The following SCAI variants were observed in gnomAD, a reference collection of about 807,000 sequenced individuals.
SCAI encodes the protein protein SCAI.
In SCAI, 24 loss-of-function variants were observed where a neutral mutation model predicts 92.2. The ratio of observed to expected loss-of-function variants is 0.26; its 90% CI spans 0.19 to 0.37. The LOEUF (loss-of-function observed/expected upper bound fraction) is 0.37. Among genes scored for constraint, SCAI ranks in the 10% least tolerant of loss-of-function variants. The probability of loss-of-function intolerance (pLI) is 1.00; values close to 1 mark genes in which losing one functional copy is unlikely to be tolerated. For missense variants in SCAI, 450 were observed against 736.2 expected (o/e 0.61, Z 4.50); for synonymous variants, 261 against 258.6 (o/e 1.01, Z -0.09).
chr9:124,956,103 T>C (rs950437611), intron 17 of SCAI, among the ~76,000 whole-genome samples: 1 of 152,078 alleles, frequency 6.6e-6, no homozygotes, highest in Non-Finnish European at 1.5e-5. Flanking sequence ...CCAAAATCAT[T>C]CATAAAACAG....
In SCAI at chr9:125,091,311, T is replaced by C. The variant is rs79422714; in HGVS notation, c.99-35304A>G. On this transcript the variant is annotated intron_variant, in intron 2 of 17. Coordinates refer to ENST00000336505, the MANE Select transcript of SCAI (RefSeq NM_001144877.3). This position sits in a 1 kb window ranked among gnomAD's most constrained non-coding sequence, Gnocchi z 4.3. ...CAGTCTTTCCATCCATGCTGTGAGGTACTTGACAACTTTCCAATAAATTCA... is the reference window on the plus strand; with the variant it reads ...CAGTCTTTCCATCCATGCTGTGAGGCACTTGACAACTTTCCAATAAATTCA... Among the ~76,000 whole-genome samples the C allele has an allele frequency of 2.1e-4, 32 of 152,316 alleles. No homozygotes were observed. In the East Asian group the frequency reaches 5.6e-3, roughly 27 times the overall value.
rs543758330 is a variant in SCAI, at chr9:125,035,945, A to G, written c.231-6206T>C. Among the ~76,000 whole-genome samples the G allele has an allele frequency of 1.6e-3, 238 of 152,318 alleles. 2 individuals carry two copies. Among genetic ancestry groups the G allele is most frequent in the African/African-American group, 5.6e-3 (231 of 41,576 alleles). ...AGCAGCCCTCGGGGCTGCTCTGCCT[A>G]CAGAGTAGCCATTCTTTTCTTTCTT... On this transcript the variant is annotated intron_variant, in intron 3 of 17. Transcript: ENST00000336505.
intron 2 of SCAI, among the ~76,000 whole-genome samples, chr9:125,087,944 CGTAAA>C (rs1436845027): frequency 8.6e-5 from 13 of 152,020 alleles, no homozygotes; most frequent in Non-Finnish European, 1.5e-5. Context: ...ATATAATATA[CGTAAA>C]GTATATAACT....
chr9:125,098,298 C>G (rs1834608129), intron 2 of SCAI, among the ~76,000 whole-genome samples: 1 of 152,054 alleles, frequency 6.6e-6, no homozygotes, highest in African/African-American at 2.4e-5. Flanking sequence ...CTCAAGCAAT[C>G]CTCCTGCCTC....
chr9:125,115,688 CCAGT>C (rs1564419867), intron 2 of SCAI, among the ~76,000 whole-genome samples: 1 of 151,890 alleles, frequency 6.6e-6, no homozygotes, highest in Admixed American at 6.6e-5. Context: ...ATAGTCATAT[CCAGT>C]CACTTAAATA....
chr9:125,117,385 C>T (rs1044756437), intron 2 of SCAI, among the ~76,000 whole-genome samples: 1 of 152,084 alleles, frequency 6.6e-6, no homozygotes, highest in Admixed American at 6.6e-5. Flanking sequence ...TTTTAGAAGC[C>T]TGAGGAACTT....
intron 2 of SCAI, among the ~76,000 whole-genome samples, chr9:125,125,506 C>A (rs927155035): frequency 2.0e-5 from 3 of 150,966 alleles, no homozygotes; most frequent in Admixed American, 6.6e-5. Flanking sequence ...CCAGTCTGGG[C>A]AACAGAGTGA....
intron 2 of SCAI, among the ~76,000 whole-genome samples, chr9:125,077,437 A>G (rs1373395876): frequency 2.6e-5 from 4 of 152,188 alleles, no homozygotes; most frequent in Non-Finnish European, 5.9e-5. Flanking sequence ...TTGTATAGAC[A>G]TGTTTTCATT....
chr9:124,984,226 T>G (rs559784755), intron 14 of SCAI, among the ~76,000 whole-genome samples: 1 of 152,228 alleles, frequency 6.6e-6, no homozygotes, highest in South Asian at 2.1e-4. Context: ...AGGGGGTCAG[T>G]GTGGCTGAAG....
At chr9:125,104,398 G>T (rs946736876) in intron 2 of SCAI, among the ~76,000 whole-genome samples, 4 of 152,102 alleles carry the variant, frequency 2.6e-5, no homozygotes, top group African/African-American at 9.7e-5. Context: ...AACACTTTGA[G>T]GTTTATAGTT....
rs143289700 is a variant in SCAI at position 125,110,579 on chromosome 9, A to G, written c.98+32054T>C. ...ATGGGGGTAGTTCCTCATGATTTCA[A>G]TTGGCAATAGTGAGTTCTCGTGAGA... is the stretch of plus-strand genomic sequence containing the variant. On this transcript the variant is annotated intron_variant, in intron 2 of 17. Coordinates refer to ENST00000336505, the MANE Select transcript of SCAI (RefSeq NM_001144877.3). Among the ~76,000 whole-genome samples, 17 of 152,194 alleles carry G rather than the reference A, an allele frequency of 1.1e-4. No individual in the cohort carries two copies. The East Asian group carries it at 3.3e-3, about 29-fold the overall frequency.
intron 2 of SCAI, among the ~76,000 whole-genome samples, chr9:125,064,299 A>G (rs1261580969): frequency 6.6e-6 from 1 of 152,334 alleles, no homozygotes; most frequent in East Asian, 1.9e-4. Context: ...TACAAACTGC[A>G]GAATATGTCT....
At chr9:125,081,330 T>C (rs1834212368) in intron 2 of SCAI, among the ~76,000 whole-genome samples, 1 of 152,168 alleles carries the variant, frequency 6.6e-6, no homozygotes, top group Admixed American at 6.5e-5. Flanking sequence ...AAAATGCTGA[T>C]AGTGATATGG....
chr9:124,949,042 A>G lies in SCAI; in HGVS notation c.*3765T>C, dbSNP rs7040520. ...GATTAAAGAAATACAGAAGCTGGGTAAGGTACAAGGAGGATTTATTAAACT... is the reference window on the plus strand; with the variant it reads ...GATTAAAGAAATACAGAAGCTGGGTGAGGTACAAGGAGGATTTATTAAACT... On this transcript the variant is annotated 3_prime_UTR_variant, in exon 18 of 18. Coordinates refer to ENST00000336505, the MANE Select transcript of SCAI (RefSeq NM_001144877.3). This position sits in a 1 kb window ranked among gnomAD's most constrained non-coding sequence, Gnocchi z 4.0. 0.66 allele frequency: 100,070 copies of G among 152,208 alleles called. 33,523 individuals carry two copies. The highest frequency in any genetic ancestry group is 0.73 in the African/African-American group (30,478 of 41,528). 9.4% of individuals were successfully genotyped at this position (152,208 alleles called of 1,614,324 possible). A position where few individuals can be genotyped will look rare whatever the true frequency, so the allele number is the denominator to read the frequency against.
chr9:125,103,200 A>C (rs931528220), intron 2 of SCAI, among the ~76,000 whole-genome samples: 2 of 152,138 alleles, frequency 1.3e-5, no homozygotes, highest in African/African-American at 4.8e-5. Context: ...CTCTCTCTTG[A>C]ATCCCATGAC....
intron 2 of SCAI, among the ~76,000 whole-genome samples, chr9:125,140,144 G>A (rs756919366): frequency 6.6e-6 from 1 of 152,144 alleles, no homozygotes; most frequent in Admixed American, 6.5e-5. Flanking sequence ...TTACCAGGTC[G>A]AGGCTGCAGT....
At chr9:124,954,556 C>T (rs749065044) in intron 17 of SCAI, among the ~76,000 whole-genome samples, 2 of 152,176 alleles carry the variant, frequency 1.3e-5, no homozygotes, top group Non-Finnish European at 2.9e-5. Context: ...CAATGTCACA[C>T]AGCTAGTGAG....
chr9:125,045,091 A>C (rs1331882279), intron 3 of SCAI, among the ~76,000 whole-genome samples: 1 of 152,234 alleles, frequency 6.6e-6, no homozygotes, highest in Non-Finnish European at 1.5e-5. Flanking sequence ...ACAACCTGCC[A>C]GGCTGAGTAG....
At chr9:125,045,219 C>T (rs1013932886) in intron 3 of SCAI, among the ~76,000 whole-genome samples, 2 of 152,174 alleles carry the variant, frequency 1.3e-5, no homozygotes, top group Admixed American at 1.3e-4. Flanking sequence ...ACATGCACCA[C>T]CATGCCTGGC....
Sources: allele counts gnomAD v4.1 joint callset (sites outside exome capture counted in the v4.1 genomes callset), GRCh38; gene constraint gnomAD v4.1.1; non-coding constraint Gnocchi (gnomAD v3.1); transcripts MANE v1.5; gene names NCBI Gene and HGNC (gene_info 2026-07-23, HGNC 2026-07-21).